The following PTPRS variants were observed in gnomAD, a reference collection of about 807,000 sequenced individuals.
PTPRS encodes the protein receptor-type tyrosine-protein phosphatase S.
Under a neutral mutation model 215.3 loss-of-function variants are expected in PTPRS, and 63 were observed. The observed-to-expected ratio is 0.29, with a 90% CI of 0.24 to 0.36. PTPRS has a LOEUF of 0.36. Among genes scored for constraint, PTPRS ranks in the 10% least tolerant of loss-of-function variants. The probability of loss-of-function intolerance (pLI) is 1.00; values close to 1 mark genes in which losing one functional copy is unlikely to be tolerated. For synonymous variants in PTPRS, 1,404 were observed against 1,191.4 expected, an observed-to-expected ratio of 1.18 and a Z score of -3.68; for missense variants, 2,258 against 2,825.8, an observed-to-expected ratio of 0.80 and a Z score of 4.56.
chr19:5,219,836 G>C, intron 22 of PTPRS, 103 bp downstream of exon 22: 1 of 1,312,336 alleles, frequency 7.6e-7, no homozygotes, highest in Non-Finnish European at 1.1e-6. Context: ...TCTGACCACA[G>C]GGAGCTGCCT....
At chr19:5,267,277 C>T (rs1481191954) in intron 4 of PTPRS, among the ~76,000 whole-genome samples, 2 of 152,108 alleles carry the variant, frequency 1.3e-5, no homozygotes, top group African/African-American at 4.8e-5. Context: ...TCCCAGAGCT[C>T]CCTGAGCGGT....
chr19:5,260,003 C>T (rs2045860713), intron 7 of PTPRS, among the ~76,000 whole-genome samples: 1 of 151,976 alleles, frequency 6.6e-6, no homozygotes. Flanking sequence ...CTGATTCTTC[C>T]CCAGGTTCCC....
chr19:5,215,295 T>C lies in PTPRS; in HGVS notation c.4312A>G (p.Ile1438Val). 1 of 1,613,912 alleles carries C rather than the reference T, an allele frequency of 6.2e-7. No individual in the cohort carries two copies. Among genetic ancestry groups the C allele is most frequent in the Non-Finnish European group, 8.5e-7 (1 of 1,179,872 alleles). Residue 1438 changes from isoleucine (I) to valine (V), a missense_variant, in exon 28 of 38, where the codon ATT (isoleucine) becomes GTT (valine). Transcript: ENST00000262963. ...YDHSRVILQPIEGIMGSDYIN... is the reference protein window; with the variant it reads ...YDHSRVILQPVEGIMGSDYIN... ...CCCGGGATCTCCGAACTACCTTCAA[T>C]GGGCTGGAGGATGACACGGGAGTGG...
chr19:5,308,744 C>A (rs1203771607), intron 1 of PTPRS, among the ~76,000 whole-genome samples: 1 of 152,130 alleles, frequency 6.6e-6, no homozygotes, highest in Non-Finnish European at 1.5e-5. Context: ...ATATATTCAT[C>A]AGAATCTTAA....
intron 25 of PTPRS, among the ~76,000 whole-genome samples, chr19:5,216,975 T>C (rs962446204): frequency 6.6e-6 from 1 of 152,220 alleles, no homozygotes; most frequent in Non-Finnish European, 1.5e-5. Flanking sequence ...CAGTCAATCC[T>C]GGTCTTGACC....
At chr19:5,275,087 T>C (rs62115100) in intron 2 of PTPRS, among the ~76,000 whole-genome samples, 2 of 136,364 alleles carry the variant, frequency 1.5e-5, no homozygotes, top group Admixed American at 7.4e-5. Flanking sequence ...TTTTTTTTTT[T>C]CCAGACAGTG....
At chr19:5,243,772 TA>T in intron 11 of PTPRS, 128 bp downstream of exon 11, 1 of 930,120 alleles carries the variant, frequency 1.1e-6, no homozygotes, top group Non-Finnish European at 1.5e-6. Flanking sequence ...ACACCCGGCC[TA>T]AATGCTAGCA....
chr19:5,284,026 G>A (rs976042424), intron 2 of PTPRS, among the ~76,000 whole-genome samples: 3 of 151,758 alleles, frequency 2.0e-5, no homozygotes, highest in Non-Finnish European at 4.4e-5. Flanking sequence ...ACCAGTCCGG[G>A]CAACACAGTA....
At chr19:5,217,585 A>G (rs1375463512) in intron 25 of PTPRS, among the ~76,000 whole-genome samples, 3 of 152,222 alleles carry the variant, frequency 2.0e-5, no homozygotes, top group East Asian at 1.9e-4. Flanking sequence ...GAGGCTATGC[A>G]TGAGGCTTTA....
intron 17 of PTPRS, among the ~76,000 whole-genome samples, chr19:5,224,805 A>G (rs565306369): frequency 6.6e-6 from 1 of 152,286 alleles, no homozygotes; most frequent in Non-Finnish European, 1.5e-5. Flanking sequence ...TGGAGGACGC[A>G]GACAAGGTGC....
At position 5,285,726 on chromosome 19, in the gene PTPRS, T is replaced by C. The variant is rs190162045; in HGVS notation, c.91+324A>G. 6.5e-4 allele frequency among the ~76,000 whole-genome samples: 99 copies of C among 152,342 alleles called. 1 individual carries two copies. The highest frequency in any genetic ancestry group is 2.1e-3 in the African/African-American group (89 of 41,582). ...GTAACAGAACTGGCACACTGGGTTT[T>C]GTCAGGCTCAAGGGAGAGGAAGCAG... On this transcript the variant is annotated intron_variant, in intron 2 of 37. Transcript: ENST00000262963.
intron 2 of PTPRS, among the ~76,000 whole-genome samples, chr19:5,275,073 CT>C (rs5826878): frequency 0.73 from 105,698 of 144,598 alleles, 38,737 homozygotes; most frequent in Middle Eastern, 0.8. Flanking sequence ...ATTTTCTTTT[CT>C]TTTTTTTTTT....
In PTPRS at chr19:5,274,365, A is replaced by AG. The variant is rs535434476; in HGVS notation, c.92-22dup. The stretch of plus-strand genomic sequence containing the variant: ...GGGCTCTGGGGATACAGTGGAAAGA[A>AG]GGGGGGGCGCTGATGGGTCCAGGCA... On this transcript the variant is annotated intron_variant, in intron 2 of 37. Transcript: ENST00000262963. The AG allele has an allele frequency of 4.8e-4, 704 of 1,478,282 alleles. 7 individuals carry two copies. In the African/African-American group the frequency reaches 7.9e-3, roughly 17 times the overall value. The allele number at this position is 1,478,282 out of a possible 1,614,324, so 91.6% of individuals were successfully genotyped here.
chr19:5,266,466 T>TTTA (rs1568518230), intron 4 of PTPRS, among the ~76,000 whole-genome samples: 5 of 151,936 alleles, frequency 3.3e-5, no homozygotes, highest in African/African-American at 1.2e-4. Context: ...TTATTTATTT[T>TTTA]TTTTGAGATG....
At chr19:5,207,844 TCA>T (rs2040504481) in intron 37 of PTPRS, 76 bp downstream of exon 37, 2 of 1,571,050 alleles carry the variant, frequency 1.3e-6, no homozygotes, top group Admixed American at 3.4e-5. Flanking sequence ...TGTACCCATC[TCA>T]CAGAGGAGGA....
intron 9 of PTPRS, among the ~76,000 whole-genome samples, chr19:5,251,762 C>T (rs957612995): frequency 6.6e-6 from 1 of 152,110 alleles, no homozygotes. Context: ...AGTCCCCTCT[C>T]CCCGATGTGA....
In PTPRS at chr19:5,265,118, G is replaced by C. The variant is rs1423947612; in HGVS notation, c.458C>G (p.Thr153Ser). The C allele has an allele frequency of 1.9e-6, 3 of 1,614,082 alleles. No individual in the cohort carries two copies. The highest frequency in any genetic ancestry group is 2.7e-5 in the African/African-American group (2 of 74,934). Residue 153 changes from threonine (T) to serine (S), a missense_variant, in exon 5 of 38, where the codon ACC becomes AGC. Thr to Ser is a moderately conservative substitution (Grantham distance 58, BLOSUM62 1). Around this residue, in one of 6 missense-constraint regions of PTPRS, gnomAD observed 508 missense variants for 799.4 expected, o/e 0.64. Coordinates refer to ENST00000262963, the MANE Select transcript of PTPRS (RefSeq NM_002850.4). ...GTTGCCGCTGGCTGCACAGAGCATG[G>C]TGGCTGTCCGTGTCCGCTCCACCAC... ...LKVVERTRTA[T>S]MLCAASGNPD...
chr19:5,211,654 G>C lies in PTPRS; in HGVS notation c.5170C>G (p.Leu1724Val). 1 of 1,614,120 alleles carries C rather than the reference G, an allele frequency of 6.2e-7. No homozygotes were observed. The highest frequency in any genetic ancestry group is 8.5e-7 in the Non-Finnish European group (1 of 1,180,006). The change falls in exon 33 of 38, where the codon CTG becomes GTG. Residue 1724 changes from leucine (L) to valine (V), a missense_variant. By Grantham distance (32) the Leu-to-Val change is conservative (BLOSUM62 1). Transcript: ENST00000262963. Reference protein sequence around the residue: ...IMPYESTRVCLQPIRGVEGSD... With the variant: ...IMPYESTRVCVQPIRGVEGSD... ...CCCTCCACACCCCGGATGGGTTGCA[G>C]ACAGACCCGTGTGCTCTCATAGGGC...
intron 19 of PTPRS, 120 bp downstream of exon 19, chr19:5,222,003 C>T: frequency 1.3e-6 from 1 of 774,486 alleles, no homozygotes; most frequent in Non-Finnish European, 2.2e-6. Flanking sequence ...TAGCTGAGAC[C>T]CATCTCTGAC....
Sources: allele counts gnomAD v4.1 joint callset (sites outside exome capture counted in the v4.1 genomes callset), GRCh38; gene constraint gnomAD v4.1.1; regional missense constraint gnomAD v4.1.1; transcripts MANE v1.5; gene names NCBI Gene and HGNC (gene_info 2026-07-23, HGNC 2026-07-21).